WDR70: variants seen among roughly 807,000 people sequenced by gnomAD.
WDR70 encodes the protein WD repeat domain 70, also known as WD repeat-containing protein 70.
WDR70 carries 53 observed loss-of-function variants against 88.6 expected under a neutral mutation model. That is an observed-to-expected ratio of 0.60 (90% CI 0.48 to 0.75). The LOEUF is 0.75. WDR70 is among the 30% of genes least tolerant of loss of function. WDR70 has a pLI of 0.00. For synonymous variants in WDR70, 280 were observed against 270.0 expected, an observed-to-expected ratio of 1.04 and a Z score of -0.36; for missense variants, 610 against 823.2, an observed-to-expected ratio of 0.74 and a Z score of 3.17.
At chr5:37,709,375 A>G (rs1311550404) in intron 13 of WDR70, among the ~76,000 whole-genome samples, 2 of 152,210 alleles carry the variant, frequency 1.3e-5, no homozygotes, top group Admixed American at 1.3e-4. Context: ...TAAACAATGC[A>G]TATCCTAGAG....
At chr5:37,562,218 G>T (rs887684315) in intron 9 of WDR70, among the ~76,000 whole-genome samples, 1 of 152,156 alleles carries the variant, frequency 6.6e-6, no homozygotes, top group African/African-American at 2.4e-5. Context: ...TTAGCTGGGT[G>T]TGGTGGCACA....
intron 9 of WDR70, among the ~76,000 whole-genome samples, chr5:37,563,501 G>A (rs1333526529): frequency 1.6e-5 from 1 of 62,464 alleles, no homozygotes; most frequent in East Asian, 4.1e-4. Context: ...CAGTAGGGGC[G>A]GCCGGGCAGA....
Position 37,724,955 on chromosome 5 carries a change from G to A in WDR70, c.1619G>A (p.Arg540His), listed in dbSNP as rs747671366. The change falls in exon 16 of 18, where the codon CGT becomes CAT. Residue 540 changes from arginine to histidine, a missense_variant. Coordinates refer to ENST00000265107, the MANE Select transcript of WDR70 (RefSeq NM_018034.4). ...GTAGCTCATGCCTTGCCTATGTTCC[G>A]TGAGCCCCGCCAACGGAGTACAAGG... ...IITPHALPMFREPRQRSTRKQ... is the reference protein window; with the variant it reads ...IITPHALPMFHEPRQRSTRKQ... 37 of 1,613,360 alleles carry A rather than the reference G, an allele frequency of 2.3e-5. No individual in the cohort carries two copies. The East Asian group carries it at 4.5e-4, about 19-fold the overall frequency.
chr5:37,710,036 A>G (rs991195781), intron 13 of WDR70, among the ~76,000 whole-genome samples: 2 of 152,126 alleles, frequency 1.3e-5, no homozygotes, highest in African/African-American at 2.4e-5. Context: ...GATTTGAAGA[A>G]TACAGTTGAA....
In WDR70 at chr5:37,605,184, C is replaced by T. The variant is rs200765365; in HGVS notation, c.1038C>T (p.Leu346=). ...TTCTYSRDGN[L]IAAACQNGSI... is the part of the protein sequence containing the mutation. ...GCACATATAGTAGAGATGGAAACCT[C>T]ATAGCAGCTGCCTGCCAGAATGGAA... Residue 346 remains leucine (L), a synonymous_variant, in exon 10 of 18, where the codon CTC becomes CTT. Transcript: ENST00000265107. 10 of 1,612,800 alleles carry T rather than the reference C, an allele frequency of 6.2e-6. No individual in the cohort carries two copies. Among genetic ancestry groups the T allele is most frequent in the South Asian group, 1.1e-5 (1 of 90,752 alleles).
chr5:37,411,273 T>C (rs1042360309), intron 5 of WDR70, among the ~76,000 whole-genome samples: 1 of 152,210 alleles, frequency 6.6e-6, no homozygotes. Flanking sequence ...TAAGGTGTTA[T>C]TTAATATAAT....
At chr5:37,463,011 T>A (rs1443044407) in intron 7 of WDR70, among the ~76,000 whole-genome samples, 2 of 152,080 alleles carry the variant, frequency 1.3e-5, no homozygotes, top group Non-Finnish European at 2.9e-5. Flanking sequence ...TGGTGGCTCA[T>A]GCGTATAATC....
chr5:37,550,713 GA>G (rs1742116573), intron 9 of WDR70, among the ~76,000 whole-genome samples: 1 of 152,132 alleles, frequency 6.6e-6, no homozygotes, highest in Non-Finnish European at 1.5e-5. Context: ...CTTTTGATTG[GA>G]GAGTGTAGTC....
At chr5:37,609,366 A>G (rs1331950186) in intron 10 of WDR70, among the ~76,000 whole-genome samples, 2 of 152,322 alleles carry the variant, frequency 1.3e-5, no homozygotes, top group South Asian at 2.1e-4. Context: ...CAAAACACCT[A>G]TCAGATTTAT....
At chr5:37,503,116 G>A (rs78775395) in intron 8 of WDR70, among the ~76,000 whole-genome samples, 7,345 of 152,120 alleles carry the variant, frequency 0.048, 570 homozygotes, top group African/African-American at 0.16. Context: ...TGATTTTTGC[G>A]TGTGTGTTCA....
intron 10 of WDR70, among the ~76,000 whole-genome samples, chr5:37,653,380 G>C (rs1745460406): frequency 6.6e-6 from 1 of 152,190 alleles, no homozygotes; most frequent in African/African-American, 2.4e-5. Flanking sequence ...ATGTTCATCA[G>C]GGATTTGGCC....
At chr5:37,734,905 C>A (rs892328335) in intron 17 of WDR70, among the ~76,000 whole-genome samples, 2 of 152,018 alleles carry the variant, frequency 1.3e-5, no homozygotes, top group East Asian at 1.9e-4. Flanking sequence ...TTGATACGAC[C>A]GTTATATGAT....
intron 9 of WDR70, among the ~76,000 whole-genome samples, chr5:37,570,257 A>C (rs769904470): frequency 2.6e-5 from 4 of 152,180 alleles, no homozygotes; most frequent in African/African-American, 4.8e-5. Context: ...GATGGTGTTC[A>C]GGTTTTTGGC....
At position 37,703,086 on chromosome 5, in the gene WDR70, C is replaced by T. The variant is rs1051154580; in HGVS notation, c.1415C>T (p.Ala472Val). Residue 472 changes from alanine to valine, a missense_variant and splice_region_variant, in exon 13 of 18, where the codon GCG becomes GTG. Ala to Val is a moderately conservative substitution (Grantham distance 64, BLOSUM62 0). Transcript: ENST00000265107. ...QRVYEIDITDASVVRCLWHPK... is the reference protein window; with the variant it reads ...QRVYEIDITDVSVVRCLWHPK... ...GTGTATGAAATAGACATCACAGATGCGGTACGTATATTCTTTTCTCCTCAG... is the reference window on the plus strand; with the variant it reads ...GTGTATGAAATAGACATCACAGATGTGGTACGTATATTCTTTTCTCCTCAG... The T allele has an allele frequency of 3.1e-6, 5 of 1,607,510 alleles. No homozygotes were observed. The highest frequency in any genetic ancestry group is 1.3e-5 in the African/African-American group (1 of 74,952).
chr5:37,531,749 T>C (rs1030683997), intron 9 of WDR70, among the ~76,000 whole-genome samples: 2 of 152,080 alleles, frequency 1.3e-5, no homozygotes, highest in African/African-American at 4.8e-5. Context: ...GTTAGGCCAT[T>C]TACGTTCAAT....
intron 8 of WDR70, among the ~76,000 whole-genome samples, chr5:37,497,427 C>CTTCCCTTCCG (rs1561875807): frequency 1.1e-4 from 4 of 34,884 alleles, no homozygotes; most frequent in Non-Finnish European, 3.7e-4. Flanking sequence ...CTTCCCTTCC[C>CTTCCCTTCCG]TCTTCCCTTC....
chr5:37,557,278 G>A (rs914540232), intron 9 of WDR70, among the ~76,000 whole-genome samples: 11 of 150,196 alleles, frequency 7.3e-5, no homozygotes, highest in Non-Finnish European at 1.5e-4. Context: ...TTAATGACCA[G>A]CCAAGTAGCT....
intron 9 of WDR70, among the ~76,000 whole-genome samples, chr5:37,571,691 C>T (rs184640405): frequency 0.016 from 2,368 of 152,154 alleles, 38 homozygotes; most frequent in South Asian, 0.067. Flanking sequence ...AGATAGATGC[C>T]TTATATTTTT....
intron 10 of WDR70, among the ~76,000 whole-genome samples, chr5:37,613,339 G>C (rs904238469): frequency 4.6e-5 from 7 of 152,100 alleles, no homozygotes; most frequent in African/African-American, 1.4e-4. Context: ...AACCCAAATG[G>C]ATGAAGAGAA....
Sources: gnomAD v4.1 joint callset for allele counts (sites outside exome capture counted in the v4.1 genomes callset) on GRCh38, gnomAD v4.1.1 for gene constraint, MANE v1.5 for transcripts, NCBI Gene and HGNC (gene_info 2026-07-23, HGNC 2026-07-21) for gene names.